SCHIP1: variants seen among roughly 807,000 people sequenced by gnomAD.
SCHIP1 encodes the protein schwannomin-interacting protein 1.
SCHIP1 carries 8 observed loss-of-function variants against 29.7 expected under a neutral mutation model. The observed-to-expected ratio is 0.27, with a 90% CI of 0.16 to 0.49. The LOEUF (loss-of-function observed/expected upper bound fraction) is 0.49. Among genes scored for constraint, SCHIP1 ranks in the 20% least tolerant of loss-of-function variants. The probability of loss-of-function intolerance (pLI) is 0.99; values close to 1 mark genes in which losing one functional copy is unlikely to be tolerated. For synonymous variants in SCHIP1, 76 were observed against 94.9 expected (o/e 0.80, Z 1.16); for missense variants, 193 against 294.6 (o/e 0.66, Z 2.52).
chr3:159,371,975 T>G, the SCHIP1 span, among the ~76,000 whole-genome samples: 16 of 152,174 alleles, frequency 1.1e-4, no homozygotes, highest in African/African-American at 3.6e-4. Flanking sequence ...TTTTTTCTTT[T>G]CCCAATGGCA....
the SCHIP1 span, among the ~76,000 whole-genome samples, chr3:159,606,076 T>C: frequency 6.6e-6 from 1 of 152,204 alleles, no homozygotes; most frequent in Non-Finnish European, 1.5e-5. Context: ...CAGGTAGTTC[T>C]GTTCATAAAA....
the SCHIP1 span, among the ~76,000 whole-genome samples, chr3:159,810,262 G>C: frequency 6.6e-6 from 1 of 152,180 alleles, no homozygotes; most frequent in African/African-American, 2.4e-5. Context: ...GGCCAGGCTA[G>C]TCTTGAACTC....
the SCHIP1 span, among the ~76,000 whole-genome samples, chr3:159,682,544 C>T: frequency 1.3e-5 from 2 of 152,084 alleles, no homozygotes; most frequent in African/African-American, 4.8e-5. Flanking sequence ...GTTGGGGTAC[C>T]TGCTAAATCT....
At chr3:159,604,809 CAG>C in the SCHIP1 span, among the ~76,000 whole-genome samples, 1,100 of 152,228 alleles carry the variant, frequency 7.2e-3, 10 homozygotes, top group Non-Finnish European at 8.2e-3. Flanking sequence ...GACAGGTAAT[CAG>C]AGTTTTTACA....
the SCHIP1 span, among the ~76,000 whole-genome samples, chr3:159,382,302 A>C: frequency 3.5e-5 from 5 of 141,458 alleles, no homozygotes; most frequent in Non-Finnish European, 6.1e-5. Flanking sequence ...GTTCCCCTTC[A>C]TGTGTCCATG....
At chr3:159,315,359 C>A in the SCHIP1 span, among the ~76,000 whole-genome samples, 6 of 149,812 alleles carry the variant, frequency 4.0e-5, no homozygotes, top group Admixed American at 2.7e-4. Flanking sequence ...CCACTATGCC[C>A]GGCTAATTTT....
the SCHIP1 span, among the ~76,000 whole-genome samples, chr3:159,413,052 G>A: frequency 6.6e-6 from 1 of 152,174 alleles, no homozygotes; most frequent in Non-Finnish European, 1.5e-5. Flanking sequence ...TCTTCCCATG[G>A]CAGCAGGAGA....
chr3:159,279,074 C>T, the SCHIP1 span, among the ~76,000 whole-genome samples: 1 of 152,158 alleles, frequency 6.6e-6, no homozygotes, highest in African/African-American at 2.4e-5. Flanking sequence ...TGACTGAACC[C>T]AGTCACATGC....
the SCHIP1 span, among the ~76,000 whole-genome samples, chr3:159,567,011 G>A: frequency 4.8e-3 from 733 of 152,146 alleles, 4 homozygotes; most frequent in Non-Finnish European, 7.8e-3. Flanking sequence ...TTAAATTTTT[G>A]GACATCTGAT....
the SCHIP1 span, among the ~76,000 whole-genome samples, chr3:159,781,928 T>G: frequency 6.6e-6 from 1 of 152,234 alleles, no homozygotes; most frequent in Non-Finnish European, 1.5e-5. Flanking sequence ...GTTCACATTG[T>G]GTGGTAATTA....
the SCHIP1 span, among the ~76,000 whole-genome samples, chr3:159,720,735 C>A: frequency 5.9e-4 from 90 of 152,228 alleles, 2 homozygotes; most frequent in East Asian, 0.011. Flanking sequence ...CAGGCACCTG[C>A]CAGCCAGCCC....
At chr3:159,536,061 C>G in the SCHIP1 span, among the ~76,000 whole-genome samples, 1 of 152,128 alleles carries the variant, frequency 6.6e-6, no homozygotes, top group Non-Finnish European at 1.5e-5. Context: ...AGCTCAATAG[C>G]CATATTTCAA....
the SCHIP1 span, among the ~76,000 whole-genome samples, chr3:159,414,278 A>G: frequency 6.6e-6 from 1 of 152,160 alleles, no homozygotes; most frequent in Non-Finnish European, 1.5e-5. Flanking sequence ...TAATATTCCC[A>G]TCCTACACGT....
chr3:159,724,124 C>T, the SCHIP1 span, among the ~76,000 whole-genome samples: 1 of 152,148 alleles, frequency 6.6e-6, no homozygotes. Context: ...TCTATGATTT[C>T]TGAGTGAAGT....
the SCHIP1 span, among the ~76,000 whole-genome samples, chr3:159,508,309 G>T: frequency 3.0e-4 from 46 of 152,232 alleles, no homozygotes; most frequent in Admixed American, 2.5e-3. Flanking sequence ...GATCAGTGGT[G>T]ATATCCCCTT....
chr3:159,763,952 G>A, the SCHIP1 span: 1 of 152,154 alleles, frequency 6.6e-6, no homozygotes, highest in Admixed American at 6.6e-5. Flanking sequence ...GGGCGGGGCG[G>A]GGCGGGGCCG....
At chr3:159,553,770 C>A in the SCHIP1 span, among the ~76,000 whole-genome samples, 1 of 152,058 alleles carries the variant, frequency 6.6e-6, no homozygotes, top group Non-Finnish European at 1.5e-5. Flanking sequence ...GCCACTGCGC[C>A]CAGCCAGTAA....
chr3:159,334,949 G>A, the SCHIP1 span, among the ~76,000 whole-genome samples: 2 of 151,024 alleles, frequency 1.3e-5, no homozygotes, highest in African/African-American at 2.4e-5. Flanking sequence ...CACCCAGGCT[G>A]GAGTGTAGTG....
At chr3:159,555,110 C>T in the SCHIP1 span, among the ~76,000 whole-genome samples, 1 of 152,182 alleles carries the variant, frequency 6.6e-6, no homozygotes, top group Non-Finnish European at 1.5e-5. Flanking sequence ...AAGTCAAAAG[C>T]TCAAATAGAT....
Sources: gnomAD v4.1 joint callset for allele counts (sites outside exome capture counted in the v4.1 genomes callset) on GRCh38, gnomAD v4.1.1 for gene constraint, MANE v1.5 for transcripts, NCBI Gene and HGNC (gene_info 2026-07-23, HGNC 2026-07-21) for gene names.